TEX264: variants seen among roughly 807,000 people sequenced by gnomAD.
The protein encoded by TEX264 is testis expressed 264, ER-phagy receptor, also known as testis-expressed protein 264.
In TEX264, 13 loss-of-function variants were observed where a neutral mutation model predicts 23.4. That is an observed-to-expected ratio of 0.56 (90% CI 0.36 to 0.88). The LOEUF is 0.88. Among genes scored for constraint, TEX264 ranks in the 40% least tolerant of loss-of-function variants. The pLI is 0.01. For missense variants in TEX264, 340 were observed against 406.8 expected (o/e 0.84, Z 1.41); for synonymous variants, 159 against 170.0 (o/e 0.94, Z 0.50).
intron 4 of TEX264, among the ~76,000 whole-genome samples, chr3:51,702,142 A>G (rs549316697): frequency 6.6e-6 from 1 of 152,316 alleles, no homozygotes; most frequent in South Asian, 2.1e-4. Context: ...GTGGGCAGAC[A>G]GAACATACAG....
intron 3 of TEX264, among the ~76,000 whole-genome samples, chr3:51,695,963 C>T (rs868634699): frequency 2.6e-5 from 4 of 152,086 alleles, no homozygotes; most frequent in Non-Finnish European, 4.4e-5. Context: ...AGGGAAGGCC[C>T]GGAGGTGTGT....
At chr3:51,690,969 A>G (rs970669550) in intron 3 of TEX264, among the ~76,000 whole-genome samples, 2 of 152,222 alleles carry the variant, frequency 1.3e-5, no homozygotes, top group Admixed American at 6.5e-5. Context: ...CATCCTGTAC[A>G]TAAGTGGGGC....
At chr3:51,683,216 G>A (rs1353604484) in intron 2 of TEX264, 1 of 152,152 alleles carries the variant, frequency 6.6e-6, no homozygotes, top group Admixed American at 6.6e-5. Context: ...CAGGATTGAG[G>A]GTACAAGGTC....
intron 3 of TEX264, among the ~76,000 whole-genome samples, chr3:51,693,776 G>A (rs1427851710): frequency 6.6e-6 from 1 of 152,034 alleles, no homozygotes; most frequent in Non-Finnish European, 1.5e-5. Context: ...CACCACTCCC[G>A]GCCTCCATTA....
chr3:51,689,787 A>G (rs777379993), intron 3 of TEX264, among the ~76,000 whole-genome samples: 5 of 152,246 alleles, frequency 3.3e-5, no homozygotes, highest in African/African-American at 7.2e-5. Flanking sequence ...CTGTAACTGC[A>G]GTATGAGTGG....
Position 51,674,559 on chromosome 3 carries a change from CA to C in TEX264, c.256del (p.Met86TrpfsTer15). The C allele has an allele frequency of 6.2e-7, 1 of 1,614,032 alleles. No homozygotes were observed. The highest frequency in any genetic ancestry group is 8.5e-7 in the Non-Finnish European group (1 of 1,179,978). ...TCGCTGTCTACTATGACAACCCCCA[CA>C]TGGTAAGGAGTCTCCATGGGGTTCT... ...SIAVYYDNPH[M>X]VPPDKCRCAV... is the part of the protein sequence containing the mutation. On this transcript the variant is annotated frameshift_variant and splice_region_variant, in exon 2 of 5. Transcript: ENST00000341333. LOFTEE classifies it high-confidence loss of function.
At chr3:51,680,199 G>A (rs1479472214) in intron 2 of TEX264, among the ~76,000 whole-genome samples, 2 of 152,168 alleles carry the variant, frequency 1.3e-5, no homozygotes, top group African/African-American at 4.8e-5. Context: ...GTGGGCCTGG[G>A]GTTGGCAGTT....
At chr3:51,690,761 G>C (rs1702799194) in intron 3 of TEX264, among the ~76,000 whole-genome samples, 1 of 152,158 alleles carries the variant, frequency 6.6e-6, no homozygotes, top group Non-Finnish European at 1.5e-5. Flanking sequence ...GTGTGTCATT[G>C]TTCTGCGCAT....
At chr3:51,676,680 T>C (rs985257306) in intron 2 of TEX264, among the ~76,000 whole-genome samples, 1 of 152,228 alleles carries the variant, frequency 6.6e-6, no homozygotes, top group African/African-American at 2.4e-5. Flanking sequence ...ACCTGCTTCA[T>C]AGTAGACTGA....
chr3:51,694,085 G>GTCCTTCCTTCCTTCCTTCCTTTCT (rs1702956015), intron 3 of TEX264, among the ~76,000 whole-genome samples: 2 of 85,256 alleles, frequency 2.3e-5, no homozygotes. Flanking sequence ...CCTTCCGTCC[G>GTCCTTCCTTCCTTCCTTCCTTTCT]TCCTTCCTTC....
intron 1 of TEX264, among the ~76,000 whole-genome samples, chr3:51,673,231 C>T (rs1702113342): frequency 6.6e-6 from 1 of 152,152 alleles, no homozygotes; most frequent in Non-Finnish European, 1.5e-5. Flanking sequence ...GAATGTCCCC[C>T]CAGTGGGTCA....
chr3:51,679,418 C>T (rs1702345798), intron 2 of TEX264, among the ~76,000 whole-genome samples: 1 of 152,190 alleles, frequency 6.6e-6, no homozygotes, highest in Admixed American at 6.5e-5. Flanking sequence ...GTTGTCTGGG[C>T]CATGTGAGGC....
chr3:51,700,754 C>T (rs1280352461), intron 4 of TEX264, among the ~76,000 whole-genome samples: 3 of 149,658 alleles, frequency 2.0e-5, no homozygotes, highest in East Asian at 2.1e-4. Context: ...GCACCCACTA[C>T]AGCTGGCTGT....
intron 4 of TEX264, among the ~76,000 whole-genome samples, chr3:51,702,132 G>T (rs1703329109): frequency 6.6e-6 from 1 of 152,170 alleles, no homozygotes; most frequent in Non-Finnish European, 1.5e-5. Flanking sequence ...CATTGGGTGG[G>T]TGGGCAGACA....
At chr3:51,684,141 A>C in intron 2 of TEX264, 1 of 477,102 alleles carries the variant, frequency 2.1e-6, no homozygotes, top group Non-Finnish European at 3.8e-6. Flanking sequence ...GCAGAGACCA[A>C]GTCTAACCCC....
At position 51,703,441 on chromosome 3, in the gene TEX264, A is replaced by C. The variant is rs1430600991; in HGVS notation, c.650-283A>C. 6.6e-6 allele frequency among the ~76,000 whole-genome samples: 1 copy of C among 152,148 alleles called. No homozygotes were observed. Among genetic ancestry groups the C allele is most frequent in the Non-Finnish European group, 1.5e-5 (1 of 68,006 alleles). On this transcript the variant is annotated intron_variant, in intron 4 of 4. Transcript: ENST00000341333. This position sits in a 1 kb window ranked among gnomAD's most constrained non-coding sequence, Gnocchi z 4.8. ...AGGGCAGCAGGCTTTGTGGAAGTGC[A>C]GGGAGCTGAGGCTAATTTAGAGTGG...
intron 2 of TEX264, chr3:51,684,011 G>T (rs1702521219): frequency 1.3e-5 from 3 of 239,914 alleles, no homozygotes; most frequent in Non-Finnish European, 2.5e-5. Flanking sequence ...TGGTGGCCCT[G>T]GGGCGTGGGG....
intron 3 of TEX264, among the ~76,000 whole-genome samples, chr3:51,694,070 CCCTTCCTT>C (rs60975812): frequency 2.0e-5 from 2 of 102,450 alleles, no homozygotes; most frequent in African/African-American, 3.7e-5. Flanking sequence ...CCTTCCCTTC[CCCTTCCTT>C]CCGTCCGTCC....
intron 4 of TEX264, among the ~76,000 whole-genome samples, chr3:51,702,347 C>G (rs1489888814): frequency 2.0e-5 from 3 of 152,250 alleles, no homozygotes; most frequent in Admixed American, 2.0e-4. Flanking sequence ...GGGAGCCACA[C>G]CTGGGGCCTC....
Sources: allele counts gnomAD v4.1 joint callset (sites outside exome capture counted in the v4.1 genomes callset), GRCh38; gene constraint gnomAD v4.1.1; non-coding constraint Gnocchi (gnomAD v3.1); transcripts MANE v1.5; gene names NCBI Gene and HGNC (gene_info 2026-07-23, HGNC 2026-07-21).